The following FLNB variants were observed in gnomAD, a reference collection of about 807,000 sequenced individuals.
FLNB encodes filamin-B.
In FLNB, 111 loss-of-function variants were observed where a neutral mutation model predicts 250.6. The ratio of observed to expected loss-of-function variants is 0.44; its 90% CI spans 0.38 to 0.52. The LOEUF is 0.52. Ranked by LOEUF, FLNB falls within the 20% of genes least tolerant of loss-of-function variation. The pLI, the probability that FLNB is intolerant of heterozygous loss-of-function variation, is 0.00. For missense variants in FLNB, 2,869 were observed against 3,447.8 expected (o/e 0.83, Z 4.20); for synonymous variants, 1,302 against 1,372.1 (o/e 0.95, Z 1.13).
At chr3:58,107,700 CA>C (rs1415971169) in intron 12 of FLNB, among the ~76,000 whole-genome samples, 2 of 152,226 alleles carry the variant, frequency 1.3e-5, no homozygotes, top group Non-Finnish European at 2.9e-5. Context: ...AAACCCTTAG[CA>C]GGCTGATAAG....
intron 1 of FLNB, among the ~76,000 whole-genome samples, chr3:58,020,517 C>T (rs1434946412): frequency 1.3e-5 from 2 of 152,196 alleles, no homozygotes; most frequent in Admixed American, 6.5e-5. Flanking sequence ...CCCCAGCCGT[C>T]GCAGGGCTGG....
chr3:58,024,668 A>G (rs2097120322), intron 1 of FLNB, among the ~76,000 whole-genome samples: 1 of 126,986 alleles, frequency 7.9e-6, no homozygotes, highest in African/African-American at 2.8e-5. Context: ...CATGAGTGGC[A>G]TTTCTGCATT....
At chr3:58,067,593 GTTTTT>G (rs375448903) in intron 1 of FLNB, among the ~76,000 whole-genome samples, 11 of 140,884 alleles carry the variant, frequency 7.8e-5, no homozygotes, top group African/African-American at 2.9e-4. Context: ...TTGTTTTTTT[GTTTTT>G]TTTTTGTTTT....
At chr3:58,147,195 G>A (rs2097337149) in intron 34 of FLNB, among the ~76,000 whole-genome samples, 2 of 152,222 alleles carry the variant, frequency 1.3e-5, no homozygotes, top group African/African-American at 2.4e-5. Flanking sequence ...AGGAAAATGC[G>A]AGAGCTAGTA....
rs1252236220 is a variant in FLNB at position 58,169,019 on chromosome 3, C to T, written c.7417+361C>T. The T allele has an allele frequency of 9.1e-6, 3 of 328,816 alleles. No individual in the cohort carries two copies. Among genetic ancestry groups the T allele is most frequent in the African/African-American group, 6.4e-5 (3 of 46,724 alleles). 20.4% of individuals were successfully genotyped at this position (328,816 alleles called of 1,614,324 possible). ...TTTTCCTATACTTATAAAAATGTGTCTCCTCCAAAACACTGGAAAAAATAC... is the reference window on the plus strand; with the variant it reads ...TTTTCCTATACTTATAAAAATGTGTTTCCTCCAAAACACTGGAAAAAATAC... On this transcript the variant is annotated intron_variant, in intron 44 of 45. Transcript: ENST00000295956. This position sits in a 1 kb window ranked among gnomAD's most constrained non-coding sequence, Gnocchi z 4.8.
intron 1 of FLNB, among the ~76,000 whole-genome samples, chr3:58,018,226 A>T (rs781448097): frequency 2.0e-5 from 3 of 151,874 alleles, no homozygotes; most frequent in Non-Finnish European, 4.4e-5. Flanking sequence ...AAGAACTTTT[A>T]TCGGAAGAAG....
intron 18 of FLNB, among the ~76,000 whole-genome samples, chr3:58,114,431 C>T (rs1462656640): frequency 2.0e-5 from 3 of 152,200 alleles, no homozygotes; most frequent in African/African-American, 4.8e-5. Flanking sequence ...CCACCGCGCC[C>T]GGCCATCTTC....
At chr3:58,113,804 G>A (rs752450370) in intron 18 of FLNB, among the ~76,000 whole-genome samples, 13 of 152,036 alleles carry the variant, frequency 8.6e-5, no homozygotes, top group East Asian at 3.9e-4. Context: ...TCAGCCTCCC[G>A]AGCAGGTGGG....
intron 23 of FLNB, 86 bp downstream of exon 23, chr3:58,125,829 A>G: frequency 1.5e-6 from 2 of 1,317,638 alleles, no homozygotes; most frequent in Non-Finnish European, 2.2e-6. Flanking sequence ...AACTTTTGAT[A>G]AGATGAATTT....
intron 1 of FLNB, among the ~76,000 whole-genome samples, chr3:58,059,093 T>G (rs1184814804): frequency 6.6e-6 from 1 of 152,176 alleles, no homozygotes; most frequent in East Asian, 1.9e-4. Context: ...CCTGCAGCAG[T>G]TAAAAAATTG....
At chr3:58,121,045 C>T (rs539208498) in intron 19 of FLNB, among the ~76,000 whole-genome samples, 196 bp from the exon 20 acceptor site, 5 of 152,272 alleles carry the variant, frequency 3.3e-5, no homozygotes, top group East Asian at 1.9e-4. Flanking sequence ...ATTATTGTGC[C>T]GACACTTGTT....
At chr3:58,048,502 G>A (rs1039617828) in intron 1 of FLNB, among the ~76,000 whole-genome samples, 1 of 152,168 alleles carries the variant, frequency 6.6e-6, no homozygotes, top group African/African-American at 2.4e-5. Context: ...GGCACTTCCT[G>A]AGGTCATAGG....
At chr3:58,127,036 A>G (rs952797577) in intron 24 of FLNB, among the ~76,000 whole-genome samples, 3 of 152,178 alleles carry the variant, frequency 2.0e-5, no homozygotes, top group African/African-American at 7.2e-5. Context: ...GGTTCTTTAC[A>G]AAGTTGAAAA....
intron 1 of FLNB, among the ~76,000 whole-genome samples, chr3:58,036,671 T>C (rs113071168): frequency 6.6e-6 from 1 of 152,188 alleles, no homozygotes; most frequent in East Asian, 1.9e-4. Context: ...TAATTTCTAA[T>C]CTTGTAGCTA....
chr3:58,020,644 G>A (rs1254227528), intron 1 of FLNB, among the ~76,000 whole-genome samples: 1 of 151,360 alleles, frequency 6.6e-6, no homozygotes. Context: ...GACTAAATGG[G>A]TCACCTTTCT....
chr3:58,014,828 A>G (rs1251158517), intron 1 of FLNB, among the ~76,000 whole-genome samples: 2 of 152,138 alleles, frequency 1.3e-5, no homozygotes, highest in African/African-American at 4.8e-5. Flanking sequence ...TCCCGGGGTC[A>G]AGCAATTCTC....
At chr3:58,043,141 C>CTTTTT (rs58727890) in intron 1 of FLNB, among the ~76,000 whole-genome samples, 17 of 101,998 alleles carry the variant, frequency 1.7e-4, no homozygotes, top group East Asian at 3.4e-4. Flanking sequence ...TTTGGCATTC[C>CTTTTT]TTTTTTTTTT....
At chr3:58,064,947 G>A (rs1328780776) in intron 1 of FLNB, among the ~76,000 whole-genome samples, 1 of 152,176 alleles carries the variant, frequency 6.6e-6, no homozygotes, top group East Asian at 1.9e-4. Flanking sequence ...AGCTGAGGTA[G>A]GAGGATTGCT....
intron 1 of FLNB, among the ~76,000 whole-genome samples, chr3:58,050,021 CTTT>C (rs34910480): frequency 4.7e-4 from 61 of 130,488 alleles, no homozygotes; most frequent in African/African-American, 1.5e-3. Flanking sequence ...TAGAAAATGC[CTTT>C]TTTTTTTTTT....
Sources: allele counts gnomAD v4.1 joint callset (sites outside exome capture counted in the v4.1 genomes callset), GRCh38; gene constraint gnomAD v4.1.1; non-coding constraint Gnocchi (gnomAD v3.1); transcripts MANE v1.5; gene names NCBI Gene and HGNC (gene_info 2026-07-23, HGNC 2026-07-21).